Variants in ENTPD4 observed in about 807,000 individuals in gnomAD.
ENTPD4 encodes the protein ectonucleoside triphosphate diphosphohydrolase 4, also known as Golgi UDPase.
ENTPD4 carries 60 observed loss-of-function variants against 79.1 expected under a neutral mutation model. The ratio of observed to expected loss-of-function variants is 0.76; its 90% CI spans 0.62 to 0.94. The LOEUF is 0.94. Among genes scored for constraint, ENTPD4 ranks in the 40% least tolerant of loss-of-function variants. The pLI, the probability that ENTPD4 is intolerant of heterozygous loss-of-function variation, is 0.00. For missense variants in ENTPD4, 772 were observed against 775.1 expected (o/e 1.00, Z 0.05); for synonymous variants, 276 against 292.0 (o/e 0.95, Z 0.56).
At chr8:23,438,742 CA>C (rs1007714509) in intron 9 of ENTPD4, among the ~76,000 whole-genome samples, 4 of 152,126 alleles carry the variant, frequency 2.6e-5, no homozygotes, top group African/African-American at 9.6e-5. Flanking sequence ...ATTAAAAATA[CA>C]AAATCATGGG....
chr8:23,449,938 A>G lies in ENTPD4; in HGVS notation c.-38T>C. 6.2e-7 allele frequency: 1 copy of G among 1,613,928 alleles called. No individual in the cohort carries two copies. Among genetic ancestry groups the G allele is most frequent in the Non-Finnish European group, 8.5e-7 (1 of 1,179,782 alleles). On this transcript the variant is annotated 5_prime_UTR_variant, in exon 2 of 13. Coordinates refer to ENST00000358689, the MANE Select transcript of ENTPD4 (RefSeq NM_004901.5). ...GCAACAAGGCAATGCTCTGGGATTC[A>G]GTCCTTCTCACAAACAATTATAGAA...
chr8:23,451,768 T>C (rs1250493745), intron 1 of ENTPD4, among the ~76,000 whole-genome samples: 1 of 152,202 alleles, frequency 6.6e-6, no homozygotes. Flanking sequence ...TACTAGGAAG[T>C]AATCTGTATG....
intron 7 of ENTPD4, 131 bp downstream of exon 7, chr8:23,441,875 AC>A: frequency 1.8e-6 from 2 of 1,122,238 alleles, no homozygotes; most frequent in Non-Finnish European, 2.6e-6. Flanking sequence ...ATTACGTTCA[AC>A]TGCAGCTGCT....
intron 9 of ENTPD4, among the ~76,000 whole-genome samples, chr8:23,437,515 G>A (rs979015146): frequency 6.6e-5 from 10 of 152,158 alleles, no homozygotes; most frequent in African/African-American, 2.2e-4. Context: ...CCGATTAGCC[G>A]ACGATCCTGG....
At chr8:23,453,099 A>G (rs568627126) in intron 1 of ENTPD4, among the ~76,000 whole-genome samples, 4 of 152,362 alleles carry the variant, frequency 2.6e-5, no homozygotes, top group African/African-American at 9.6e-5. Flanking sequence ...TCTATAAGGC[A>G]GTGGAGGAAA....
chr8:23,442,704 A>G (rs796866118), intron 6 of ENTPD4, among the ~76,000 whole-genome samples: 5 of 151,846 alleles, frequency 3.3e-5, no homozygotes, highest in African/African-American at 1.2e-4. Context: ...AATTCAAGGT[A>G]TCTTCTGCTC....
intron 4 of ENTPD4, among the ~76,000 whole-genome samples, chr8:23,446,366 A>G (rs1271575606): frequency 6.6e-6 from 1 of 152,198 alleles, no homozygotes; most frequent in Admixed American, 6.5e-5. Flanking sequence ...TGAAATGTAA[A>G]ATGCTTTATT....
At chr8:23,453,080 C>T (rs886225209) in intron 1 of ENTPD4, among the ~76,000 whole-genome samples, 4 of 152,060 alleles carry the variant, frequency 2.6e-5, no homozygotes, top group African/African-American at 7.2e-5. Context: ...AGGCCCAGAC[C>T]TTAAAGAATC....
intron 1 of ENTPD4, among the ~76,000 whole-genome samples, chr8:23,451,069 T>C (rs1229202003): frequency 6.6e-6 from 1 of 150,746 alleles, no homozygotes; most frequent in Non-Finnish European, 1.5e-5. Context: ...TCGCCCAGGC[T>C]GGTGGAGTGC....
At position 23,448,829 on chromosome 8, in the gene ENTPD4, A is replaced by G. The variant is rs1450709337; in HGVS notation, c.119T>C (p.Leu40Pro). Reference protein sequence around the residue: ...NLRQIMVISVLAAAVSLLYFS... With the variant: ...NLRQIMVISVPAAAVSLLYFS... Reference sequence around the variant, plus strand: ...ATATAAAAGTGAAACAGCAGCAGCCAGGACACTAATGACCATAATTTGGCG... The same window carrying G: ...ATATAAAAGTGAAACAGCAGCAGCCGGGACACTAATGACCATAATTTGGCG... Residue 40 changes from leucine (L) to proline (P), a missense_variant, in exon 3 of 13, where the codon CTG becomes CCG. Coordinates refer to ENST00000358689, the MANE Select transcript of ENTPD4 (RefSeq NM_004901.5). The G allele has an allele frequency of 1.2e-6, 2 of 1,614,078 alleles. No homozygotes were observed. Among genetic ancestry groups the G allele is most frequent in the African/African-American group, 1.3e-5 (1 of 74,934 alleles).
Position 23,430,871 on chromosome 8 carries a change from T to A in ENTPD4, c.*2055A>T, listed in dbSNP as rs1800442333. On this transcript the variant is annotated 3_prime_UTR_variant, in exon 13 of 13. Transcript: ENST00000358689. ...TAATCCATGGCTCCTCCAGGAAGTG[T>A]CGCAGGCAGGTGGCCAAGACCAACT... 1.0e-6 allele frequency: 1 copy of A among 985,376 alleles called. No individual in the cohort carries two copies. Among genetic ancestry groups the A allele is most frequent in the African/African-American group, 1.7e-5 (1 of 57,190 alleles). 61.0% of individuals were successfully genotyped at this position (985,376 alleles called of 1,614,324 possible). A position where few individuals can be genotyped will look rare whatever the true frequency, so the allele number is the denominator to read the frequency against.
intron 1 of ENTPD4, among the ~76,000 whole-genome samples, chr8:23,453,841 T>C (rs1027186244): frequency 6.6e-6 from 1 of 152,230 alleles, no homozygotes; most frequent in Non-Finnish European, 1.5e-5. Context: ...ATGGTCATCA[T>C]AGTATTGTGT....
chr8:23,442,103 T>C, intron 6 of ENTPD4, 37 bp from the exon 7 acceptor site: 1 of 1,517,954 alleles, frequency 6.6e-7, no homozygotes. Context: ...AAGAAAAAGT[T>C]TTAAAACATT....
chr8:23,433,978 CA>C, intron 12 of ENTPD4: 2 of 236,328 alleles, frequency 8.5e-6, no homozygotes, highest in Non-Finnish European at 1.7e-5. Flanking sequence ...TGTATTTATA[CA>C]TGCATTTAAA....
chr8:23,434,181 G>A (rs1183544299), intron 12 of ENTPD4, 136 bp downstream of exon 12: 40 of 1,193,194 alleles, frequency 3.4e-5, no homozygotes, highest in Non-Finnish European at 4.4e-5. Context: ...AAAAGCAAAC[G>A]TCACTGTCCC....
chr8:23,443,597 A>G (rs2117292295), intron 6 of ENTPD4, among the ~76,000 whole-genome samples: 1 of 152,368 alleles, frequency 6.6e-6, no homozygotes, highest in East Asian at 1.9e-4. Context: ...TTTTCTATCA[A>G]AGTGAGTTTA....
At chr8:23,448,629 A>C in intron 3 of ENTPD4, 113 bp downstream of exon 3, 1 of 814,488 alleles carries the variant, frequency 1.2e-6, no homozygotes, top group South Asian at 1.7e-5. Context: ...TTAGAAACAA[A>C]TTGCTGTTGT....
Position 23,432,120 on chromosome 8 carries a change from T to C in ENTPD4, c.*806A>G. On this transcript the variant is annotated 3_prime_UTR_variant, in exon 13 of 13. Coordinates refer to ENST00000358689, the MANE Select transcript of ENTPD4 (RefSeq NM_004901.5). ...TTTGGATATAAATGGTTTAAAAAAT[T>C]TAAATTTGCAAAGAAAACATATACA... The C allele has an allele frequency of 1.0e-6, 1 of 984,756 alleles. No individual in the cohort carries two copies. Among genetic ancestry groups the C allele is most frequent in the Non-Finnish European group, 1.2e-6 (1 of 829,458 alleles). The allele number at this position is 984,756 out of a possible 1,614,324, so 61.0% of individuals were successfully genotyped here. A position where few individuals can be genotyped will look rare whatever the true frequency, so the allele number is the denominator to read the frequency against.
intron 4 of ENTPD4, among the ~76,000 whole-genome samples, chr8:23,445,979 A>G (rs1800757151): frequency 6.6e-6 from 1 of 152,244 alleles, no homozygotes; most frequent in African/African-American, 2.4e-5. Context: ...TGATTCATCA[A>G]AGGAATTAGC....
Sources: gnomAD v4.1 joint callset for allele counts (sites outside exome capture counted in the v4.1 genomes callset) on GRCh38, gnomAD v4.1.1 for gene constraint, MANE v1.5 for transcripts, NCBI Gene and HGNC (gene_info 2026-07-23, HGNC 2026-07-21) for gene names.